The following EPS15L1 variants were observed in gnomAD, a reference collection of about 807,000 sequenced individuals.
The protein encoded by EPS15L1 is epidermal growth factor receptor substrate 15-like 1.
In EPS15L1, 43 loss-of-function variants were observed where a neutral mutation model predicts 117.1. That is an observed-to-expected ratio of 0.37 (90% CI 0.29 to 0.47). The LOEUF (loss-of-function observed/expected upper bound fraction) is 0.47, where lower values mean the gene tolerates loss of function less well. EPS15L1 is among the 20% of genes least tolerant of loss of function. The pLI, the probability that EPS15L1 is intolerant of heterozygous loss-of-function variation, is 0.99. For missense variants in EPS15L1, 981 were observed against 1,164.0 expected, an observed-to-expected ratio of 0.84 and a Z score of 2.29; for synonymous variants, 459 against 470.5, an observed-to-expected ratio of 0.98 and a Z score of 0.32.
chr19:16,385,234 CAG>C, intron 20 of EPS15L1, 23 bp from the exon 21 acceptor site: 1 of 1,602,574 alleles, frequency 6.2e-7, no homozygotes, highest in Admixed American at 1.7e-5. Context: ...CCAACAAAGT[CAG>C]AGTTACAGGT....
chr19:16,355,632 T>C lies in EPS15L1; in HGVS notation c.*73A>G. 2 of 1,468,890 alleles carry C rather than the reference T, an allele frequency of 1.4e-6. No individual in the cohort carries two copies. The highest frequency in any genetic ancestry group is 1.8e-6 in the Non-Finnish European group (2 of 1,096,832). The allele number at this position is 1,468,890 out of a possible 1,614,324, so 91.0% of individuals were successfully genotyped here. ...GTACGGTGGCGACGGTGTGTGTGTG[T>C]ATATATAGACATCTGCACTGCCCCC... On this transcript the variant is annotated 3_prime_UTR_variant, in exon 24 of 24. Transcript: ENST00000455140.
intron 7 of EPS15L1, among the ~76,000 whole-genome samples, chr19:16,431,013 C>A (rs146955602): frequency 1.3e-5 from 2 of 152,036 alleles, no homozygotes; most frequent in East Asian, 1.9e-4. Flanking sequence ...CCAAGGCAGG[C>A]GGATCACCTG....
intron 19 of EPS15L1, among the ~76,000 whole-genome samples, chr19:16,386,555 C>T (rs777525428): frequency 7.9e-5 from 12 of 152,204 alleles, no homozygotes; most frequent in Non-Finnish European, 1.8e-4. Flanking sequence ...GGTTGAGTTT[C>T]CATTCCGCCA....
At chr19:16,421,537 C>A (rs2092814008) in intron 9 of EPS15L1, 61 bp from the exon 10 acceptor site, 1 of 1,532,694 alleles carries the variant, frequency 6.5e-7, no homozygotes, top group Admixed American at 1.8e-5. Flanking sequence ...CAGACACATG[C>A]TTTTTGATGA....
At chr19:16,390,755 G>A (rs2092466655) in intron 19 of EPS15L1, among the ~76,000 whole-genome samples, 1 of 152,124 alleles carries the variant, frequency 6.6e-6, no homozygotes, top group African/African-American at 2.4e-5. Flanking sequence ...ATCCATAAGT[G>A]AACAGAATTC....
At chr19:16,385,047 C>T in intron 21 of EPS15L1, 82 bp downstream of exon 21, 1 of 1,093,134 alleles carries the variant, frequency 9.1e-7, no homozygotes, top group Non-Finnish European at 1.4e-6. Flanking sequence ...GTGACATGAA[C>T]AATTACGCCT....
At chr19:16,363,512 A>T (rs1191087315) in intron 22 of EPS15L1, among the ~76,000 whole-genome samples, 1 of 152,178 alleles carries the variant, frequency 6.6e-6, no homozygotes, top group Admixed American at 6.5e-5. Context: ...CCCCCAGCAG[A>T]TCAGCCATCC....
chr19:16,434,703 G>C (rs2092961855), intron 6 of EPS15L1: 7 of 468,546 alleles, frequency 1.5e-5, no homozygotes, highest in African/African-American at 2.0e-5. Context: ...CTCGGATCTG[G>C]GAGCCAAGGT....
chr19:16,391,141 T>G (rs1292085453), intron 19 of EPS15L1, among the ~76,000 whole-genome samples: 1 of 151,916 alleles, frequency 6.6e-6, no homozygotes, highest in African/African-American at 2.4e-5. Context: ...AAGTCTAAAA[T>G]TAATGAATGA....
chr19:16,471,907 C>G lies in EPS15L1; in HGVS notation c.33+6G>C. On this transcript the variant is annotated splice_donor_region_variant and intron_variant, in intron 1 of 23. Transcript: ENST00000455140. The surrounding 1 kb of genome is among the most constrained non-coding windows in gnomAD (Gnocchi z 4.8). ...GGCGCCGCCCCCAGGCCCGCCCGGC[C>G]CGTACCTGCTGGGAGAGGGGGATGA... is the stretch of plus-strand genomic sequence containing the variant. The G allele has an allele frequency of 7.7e-7, 1 of 1,304,616 alleles. No homozygotes were observed. The allele number at this position is 1,304,616 out of a possible 1,614,324, so 80.8% of individuals were successfully genotyped here.
intron 10 of EPS15L1, among the ~76,000 whole-genome samples, chr19:16,419,025 A>C (rs560122215): frequency 6.6e-4 from 101 of 152,350 alleles, no homozygotes; most frequent in Middle Eastern, 3.4e-3. Context: ...CACAATGCAC[A>C]GGACAGTCCC....
At chr19:16,358,518 A>G (rs1489552726) in intron 23 of EPS15L1, among the ~76,000 whole-genome samples, 2 of 152,162 alleles carry the variant, frequency 1.3e-5, no homozygotes, top group Non-Finnish European at 2.9e-5. Context: ...TCCCTCTGGC[A>G]TTACCATGGA....
At chr19:16,367,753 CAAAA>C (rs60689307) in intron 22 of EPS15L1, among the ~76,000 whole-genome samples, 19 of 50,720 alleles carry the variant, frequency 3.7e-4, no homozygotes, top group African/African-American at 1.0e-3. Flanking sequence ...GGGTGCAAAG[CAAAA>C]AAAAAAAAAA....
At chr19:16,450,230 G>A (rs560317066) in intron 1 of EPS15L1, among the ~76,000 whole-genome samples, 1 of 152,100 alleles carries the variant, frequency 6.6e-6, no homozygotes, top group Admixed American at 6.6e-5. Context: ...CTGGGCAACA[G>A]AGCTGTCTCT....
intron 22 of EPS15L1, among the ~76,000 whole-genome samples, chr19:16,376,006 C>G (rs892967785): frequency 2.0e-5 from 3 of 152,208 alleles, no homozygotes; most frequent in African/African-American, 7.2e-5. Context: ...CCTGCGATGA[C>G]ACAGGGGCTG....
intron 1 of EPS15L1, among the ~76,000 whole-genome samples, chr19:16,458,416 G>A (rs1243494785): frequency 1.3e-5 from 2 of 152,074 alleles, no homozygotes; most frequent in Non-Finnish European, 2.9e-5. Context: ...ACAAGGACAA[G>A]GACAGGGGCT....
chr19:16,377,168 A>C lies in EPS15L1; in HGVS notation c.2334T>G (p.Ala778=). Residue 778 remains alanine, a synonymous_variant, in exon 22 of 24, where the codon GCT becomes GCG. Transcript: ENST00000455140. ...GAGGAGCAGGTTTCTTCGGAGGCAGAGCAGGAGTGTCCTGTTTACTTTTAA... is the reference window on the plus strand; with the variant it reads ...GAGGAGCAGGTTTCTTCGGAGGCAGCGCAGGAGTGTCCTGTTTACTTTTAA... The part of the protein sequence containing the change: ...DPFKSKQDTP[A]LPPKKPAPPR... 1.2e-6 allele frequency: 2 copies of C among 1,611,774 alleles called. No homozygotes were observed. Among genetic ancestry groups the C allele is most frequent in the Non-Finnish European group, 1.7e-6 (2 of 1,179,018 alleles).
At position 16,377,272 on chromosome 19, in the gene EPS15L1, A is replaced by T; in HGVS notation, c.2248-18T>A. On this transcript the variant is annotated intron_variant, in intron 21 of 23. Transcript: ENST00000455140. ...GGTGGGGGCTGTAAGAGAGGACATGAAAGAGAGGCAAAAATAGTTGTTAAA... is the reference window on the plus strand; with the variant it reads ...GGTGGGGGCTGTAAGAGAGGACATGTAAGAGAGGCAAAAATAGTTGTTAAA... 1 of 1,608,208 alleles carries T rather than the reference A, an allele frequency of 6.2e-7. No homozygotes were observed. The highest frequency in any genetic ancestry group is 8.5e-7 in the Non-Finnish European group (1 of 1,178,424).
chr19:16,450,567 G>A (rs983564585), intron 1 of EPS15L1, among the ~76,000 whole-genome samples: 1 of 140,344 alleles, frequency 7.1e-6, no homozygotes, highest in African/African-American at 2.7e-5. Context: ...TGCAACCTCC[G>A]CCTCCCAGGT....
Sources: gnomAD v4.1 joint callset for allele counts (sites outside exome capture counted in the v4.1 genomes callset) on GRCh38, gnomAD v4.1.1 for gene constraint, Gnocchi (gnomAD v3.1) non-coding constraint, MANE v1.5 for transcripts, NCBI Gene and HGNC (gene_info 2026-07-23, HGNC 2026-07-21) for gene names.